ADGRF3: variants seen among roughly 807,000 people sequenced by gnomAD.
The protein encoded by ADGRF3 is adhesion G protein-coupled receptor F3.
In ADGRF3, 85 loss-of-function variants were observed where a neutral mutation model predicts 93.2. The ratio of observed to expected loss-of-function variants is 0.91; its 90% CI spans 0.77 to 1.09. ADGRF3 has a LOEUF of 1.09. Among genes scored for constraint, ADGRF3 ranks in the 50% least tolerant of loss-of-function variants. The pLI, the probability that ADGRF3 is intolerant of heterozygous loss-of-function variation, is 0.00. For synonymous variants in ADGRF3, 534 were observed against 532.5 expected, an observed-to-expected ratio of 1.00 and a Z score of -0.04; for missense variants, 1,125 against 1,246.2, an observed-to-expected ratio of 0.90 and a Z score of 1.46.
chr2:26,327,825 T>C (rs948423875), intron 1 of ADGRF3, among the ~76,000 whole-genome samples: 2 of 150,032 alleles, frequency 1.3e-5, no homozygotes, highest in African/African-American at 5.0e-5. Flanking sequence ...GAAATAAACG[T>C]CTTCTTTTAA....
intron 1 of ADGRF3, among the ~76,000 whole-genome samples, chr2:26,327,617 G>A (rs1675506594): frequency 6.6e-6 from 1 of 150,926 alleles, no homozygotes; most frequent in South Asian, 2.1e-4. Context: ...CAAGGTTGAG[G>A]GGCTCACACC....
rs1181389641 is a variant in ADGRF3, at chr2:26,311,527, C to T, written c.1997G>A (p.Cys666Tyr). The change falls in exon 10 of 14, where the codon TGC becomes TAC. Residue 666 changes from cysteine (C) to tyrosine (Y), a missense_variant. Cys to Tyr is a radical substitution (Grantham distance 194, BLOSUM62 -2). Transcript: ENST00000651242. ...GCTGGCACTGGCCACCTGTGCCTGG[C>T]ACCCTTCTTTGGACCAACCCCCCCT... ...QGRGGWSKEGCQAQVASASPT... is the reference protein window; with the variant it reads ...QGRGGWSKEGYQAQVASASPT... The T allele has an allele frequency of 1.2e-6, 2 of 1,614,014 alleles. No homozygotes were observed. Among genetic ancestry groups the T allele is most frequent in the Non-Finnish European group, 1.7e-6 (2 of 1,179,896 alleles).
intron 6 of ADGRF3, 147 bp from the exon 7 acceptor site, chr2:26,314,050 T>G (rs1187696118): frequency 3.9e-6 from 4 of 1,019,032 alleles, no homozygotes; most frequent in East Asian, 5.0e-5. Flanking sequence ...GGGCTCCACT[T>G]GGACAGAGGA....
At chr2:26,312,714 C>A (rs1046512803) in intron 9 of ADGRF3, among the ~76,000 whole-genome samples, 21 of 152,228 alleles carry the variant, frequency 1.4e-4, no homozygotes, top group Admixed American at 5.9e-4. Flanking sequence ...TGTCTCCACA[C>A]CCTTGCCTGC....
chr2:26,320,996 G>A, intron 1 of ADGRF3, among the ~76,000 whole-genome samples: 1 of 152,162 alleles, frequency 6.6e-6, no homozygotes, highest in East Asian at 1.9e-4. Flanking sequence ...TGCTTCTGGA[G>A]AAAGGGATTA....
chr2:26,317,381 T>A, intron 2 of ADGRF3, 115 bp downstream of exon 2: 5 of 998,704 alleles, frequency 5.0e-6, no homozygotes, highest in Non-Finnish European at 7.6e-6. Context: ...CAGTCCTCTC[T>A]CTCCGCCACC....
At chr2:26,314,191 G>GA (rs1172163379) in intron 6 of ADGRF3, among the ~76,000 whole-genome samples, 1 of 152,228 alleles carries the variant, frequency 6.6e-6, no homozygotes, top group Non-Finnish European at 1.5e-5. Context: ...AAATGAGATT[G>GA]TGTAGATGAC....
At position 26,313,380 on chromosome 2, in the gene ADGRF3, G is replaced by T. The variant is rs146184032; in HGVS notation, c.1266C>A (p.Thr422=). 126 of 1,586,282 alleles carry T rather than the reference G, an allele frequency of 7.9e-5. No homozygotes were observed. In the African/African-American group the frequency reaches 1.6e-3, roughly 20 times the overall value. ...DARLLALFTR[T]KLLQAGQGSP... The stretch of plus-strand genomic sequence containing the variant: ...GGCAGCAGGGTGGAAGCTTCACCTT[G>T]GTTCTAGTGAACAAGGCCAGGAGCC... Residue 422 remains threonine, a synonymous_variant, in exon 8 of 14, where the codon ACC becomes ACA. Coordinates refer to ENST00000651242, the MANE Select transcript of ADGRF3 (RefSeq NM_001321971.2).
intron 3 of ADGRF3, 101 bp from the exon 4 acceptor site, chr2:26,316,549 A>G (rs1674693852): frequency 2.5e-6 from 3 of 1,194,502 alleles, no homozygotes; most frequent in Non-Finnish European, 3.5e-6. Flanking sequence ...AGGGCTGGGT[A>G]TCTGGACCAA....
chr2:26,345,854 C>A, intron 1 of ADGRF3: 3 of 466,010 alleles, frequency 6.4e-6, no homozygotes, highest in Non-Finnish European at 7.7e-6. Context: ...GGGAAATTGA[C>A]CTTTCACCCC....
At chr2:26,328,744 G>A (rs986790144) in intron 1 of ADGRF3, among the ~76,000 whole-genome samples, 12 of 152,268 alleles carry the variant, frequency 7.9e-5, no homozygotes, top group Non-Finnish European at 1.0e-4. Flanking sequence ...GAGGCACTGC[G>A]CCCAGCTGCC....
At position 26,313,111 on chromosome 2, in the gene ADGRF3, T is replaced by C; in HGVS notation, c.1281A>G (p.Ala427=). Residue 427 remains alanine, a synonymous_variant, in exon 9 of 14, where the codon GCA becomes GCG. Transcript: ENST00000651242. ...CCTCCTCAGCAGGACTGCCCTGGCC[T>C]GCCTGCAGCAGCTGAGACAGACGAG... The part of the protein sequence containing the change: ...ALFTRTKLLQ[A]GQGSPAEEVP... 1 of 1,613,838 alleles carries C rather than the reference T, an allele frequency of 6.2e-7. No individual in the cohort carries two copies. The highest frequency in any genetic ancestry group is 2.2e-5 in the East Asian group (1 of 44,886).
chr2:26,323,103 C>T (rs1435721884), intron 1 of ADGRF3, among the ~76,000 whole-genome samples: 1 of 152,150 alleles, frequency 6.6e-6, no homozygotes, highest in Non-Finnish European at 1.5e-5. Flanking sequence ...TGCACCACTG[C>T]ACTCCAGCCT....
At chr2:26,312,875 G>T in intron 9 of ADGRF3, 68 bp downstream of exon 9, 1 of 1,430,370 alleles carries the variant, frequency 7.0e-7, no homozygotes, top group Non-Finnish European at 9.5e-7. Flanking sequence ...GGACAGAAAT[G>T]CCCACAGGTG....
intron 1 of ADGRF3, among the ~76,000 whole-genome samples, chr2:26,318,307 G>A (rs1195416411): frequency 6.6e-6 from 1 of 152,138 alleles, no homozygotes; most frequent in African/African-American, 2.4e-5. Context: ...TAAGACGTGA[G>A]TATAAGCTGG....
intron 1 of ADGRF3, among the ~76,000 whole-genome samples, chr2:26,343,342 A>T (rs1200227396): frequency 6.6e-6 from 1 of 152,230 alleles, no homozygotes; most frequent in Non-Finnish European, 1.5e-5. Context: ...CAGAGAAGTT[A>T]TATGATATAC....
chr2:26,322,972 C>T (rs757679836), intron 1 of ADGRF3, among the ~76,000 whole-genome samples: 6 of 151,906 alleles, frequency 3.9e-5, no homozygotes, highest in Non-Finnish European at 8.8e-5. Flanking sequence ...CCCGTCTCTA[C>T]TAAAAATACA....
At chr2:26,313,973 A>G (rs1445916098) in intron 6 of ADGRF3, 70 bp from the exon 7 acceptor site, 1 of 1,567,276 alleles carries the variant, frequency 6.4e-7, no homozygotes, top group African/African-American at 1.4e-5. Flanking sequence ...AGGCTCTGAC[A>G]TGCTGTTTCA....
chr2:26,339,367 G>A (rs1383996168), intron 1 of ADGRF3, among the ~76,000 whole-genome samples: 6 of 151,636 alleles, frequency 4.0e-5, no homozygotes, highest in Admixed American at 3.3e-4. Context: ...GCGTGGTGGC[G>A]CATCTGTAAT....
Sources: allele counts gnomAD v4.1 joint callset (sites outside exome capture counted in the v4.1 genomes callset), GRCh38; gene constraint gnomAD v4.1.1; transcripts MANE v1.5; gene names NCBI Gene and HGNC (gene_info 2026-07-23, HGNC 2026-07-21).